Variants in RYR2 observed in about 807,000 individuals in gnomAD.
RYR2 encodes cardiac muscle ryanodine receptor-calcium release channel.
RYR2 carries 227 observed loss-of-function variants against 601.1 expected under a neutral mutation model. The ratio of observed to expected loss-of-function variants is 0.38; its 90% CI spans 0.34 to 0.42. The LOEUF is 0.42. Ranked by LOEUF, RYR2 falls within the 10% of genes least tolerant of loss-of-function variation. RYR2 has a pLI of 1.00. For missense variants in RYR2, 4,646 were observed against 6,156.5 expected (o/e 0.75, Z 8.21); for synonymous variants, 2,223 against 2,175.1 (o/e 1.02, Z -0.61).
chr1:237,665,397 CA>C (rs71162408), intron 56 of RYR2, among the ~76,000 whole-genome samples: 3,476 of 95,050 alleles, frequency 0.037, 17 homozygotes, highest in Middle Eastern at 0.082. Flanking sequence ...GACTCTGTCT[CA>C]AAAAAAAAAA....
At chr1:237,089,659 G>A (rs1165323491) in intron 1 of RYR2, among the ~76,000 whole-genome samples, 3 of 152,228 alleles carry the variant, frequency 2.0e-5, no homozygotes, top group Non-Finnish European at 4.4e-5. Flanking sequence ...TAAGAAATAT[G>A]AAAAGGTAAA....
chr1:237,786,790 TC>T (rs1657639781), intron 91 of RYR2, among the ~76,000 whole-genome samples: 1 of 152,208 alleles, frequency 6.6e-6, no homozygotes, highest in East Asian at 1.9e-4. Context: ...GCCACTATTC[TC>T]CCATAGCATT....
chr1:237,778,584 C>A, intron 87 of RYR2, 82 bp from the exon 88 acceptor site: 1 of 655,672 alleles, frequency 1.5e-6, no homozygotes, highest in South Asian at 2.4e-5. Context: ...AGCACTAAGT[C>A]AACTTTTCCC....
At position 237,832,589 on chromosome 1, in the gene RYR2, G is replaced by A; in HGVS notation, c.14846G>A (p.Trp4949Ter). ...YVWKMYQERCWEFFPAGDCFR... is the reference protein window; with the variant it reads ...YVWKMYQERC ...TGGAAGATGTATCAAGAAAGGTGTT[G>A]GGAATTTTTCCCAGCAGGGGATTGC... Residue 4949 changes from tryptophan to a stop codon, truncating the protein, a stop_gained, in exon 105 of 105, where the codon TGG becomes TAG. Coordinates refer to ENST00000366574, the MANE Select transcript of RYR2 (RefSeq NM_001035.3). LOFTEE classifies it high-confidence loss of function. 1 of 1,612,860 alleles carries A rather than the reference G, an allele frequency of 6.2e-7. No individual in the cohort carries two copies.
At chr1:237,260,187 G>A (rs55955432) in intron 1 of RYR2, among the ~76,000 whole-genome samples, 21,985 of 152,186 alleles carry the variant, frequency 0.14, 1,837 homozygotes, top group East Asian at 0.18. Context: ...ACATAAAGGA[G>A]TTCTAAAAGG....
intron 100 of RYR2, among the ~76,000 whole-genome samples, chr1:237,818,809 G>A (rs536587989): frequency 1.3e-5 from 2 of 151,500 alleles, no homozygotes; most frequent in Non-Finnish European, 2.9e-5. Context: ...GAGAGAGAAA[G>A]TGCTAGGCGG....
intron 78 of RYR2, among the ~76,000 whole-genome samples, chr1:237,732,497 C>T (rs1046492893): frequency 2.0e-5 from 3 of 152,072 alleles, no homozygotes; most frequent in Admixed American, 2.0e-4. Context: ...GTATGGAGAC[C>T]GATGGTGGCC....
chr1:237,356,388 G>C (rs907603338), intron 4 of RYR2, among the ~76,000 whole-genome samples: 1 of 149,602 alleles, frequency 6.7e-6, no homozygotes, highest in African/African-American at 2.4e-5. Context: ...ATGTACTGTA[G>C]AAGAAGACAA....
intron 2 of RYR2, among the ~76,000 whole-genome samples, chr1:237,306,153 G>C (rs1693841643): frequency 6.6e-6 from 1 of 152,156 alleles, no homozygotes; most frequent in Non-Finnish European, 1.5e-5. Flanking sequence ...ACTAGGACTA[G>C]ATTATTAAAT....
intron 48 of RYR2, among the ~76,000 whole-genome samples, chr1:237,645,337 C>T (rs917506647): frequency 1.2e-4 from 18 of 152,176 alleles, no homozygotes; most frequent in African/African-American, 4.1e-4. Flanking sequence ...CCTTTGGCTT[C>T]CCCATTTGAG....
At chr1:237,397,012 C>T (rs1433552488) in intron 10 of RYR2, among the ~76,000 whole-genome samples, 2 of 152,090 alleles carry the variant, frequency 1.3e-5, no homozygotes, top group Non-Finnish European at 2.9e-5. Flanking sequence ...CACCTGTAAT[C>T]CCATCACTTT....
intron 1 of RYR2, among the ~76,000 whole-genome samples, chr1:237,088,551 C>G (rs1447922039): frequency 6.6e-6 from 1 of 152,098 alleles, no homozygotes; most frequent in Middle Eastern, 3.2e-3. Context: ...AAACAAAAGC[C>G]AGGGGCATTG....
intron 84 of RYR2, among the ~76,000 whole-genome samples, chr1:237,765,963 C>T (rs968227382): frequency 3.2e-4 from 48 of 151,972 alleles, no homozygotes; most frequent in African/African-American, 1.1e-3. Context: ...AAGTACTTAG[C>T]GGCTGGGATG....
intron 1 of RYR2, among the ~76,000 whole-genome samples, chr1:237,255,486 T>G (rs1168527487): frequency 6.6e-6 from 1 of 152,176 alleles, no homozygotes; most frequent in African/African-American, 2.4e-5. Context: ...CTTACTTAGT[T>G]TAGGGGATTT....
rs149514924 is a variant in RYR2, at chr1:237,548,562, G to T, written c.3038G>T (p.Arg1013Leu). 1.2e-6 allele frequency: 2 copies of T among 1,613,962 alleles called. No homozygotes were observed. The highest frequency in any genetic ancestry group is 1.7e-6 in the Non-Finnish European group (2 of 1,179,866). The change falls in exon 26 of 105, where the codon CGG (arginine) becomes CTG (leucine). Residue 1013 changes from arginine (R) to leucine (L), a missense_variant. By Grantham distance (102) the Arg-to-Leu change is moderately radical (BLOSUM62 -2). This residue lies in a region of RYR2 where 1,807 missense variants were observed against 2,088.1 expected (regional missense o/e 0.87). Transcript: ENST00000366574. ...AATGTGTGGGCGCGGGATCGAATCC[G>T]GCAGGGCTGGACTTATGGCATCCAA... ...AHNVWARDRI[R>L]QGWTYGIQQD...
intron 12 of RYR2, among the ~76,000 whole-genome samples, chr1:237,424,453 A>AT (rs1212627217): frequency 6.6e-6 from 1 of 152,160 alleles, no homozygotes; most frequent in Non-Finnish European, 1.5e-5. Flanking sequence ...CGCCTTTCCC[A>AT]TATTTTGTAT....
chr1:237,639,224 C>A, intron 46 of RYR2, 23 bp downstream of exon 46: 2 of 1,581,226 alleles, frequency 1.3e-6, no homozygotes, highest in Non-Finnish European at 1.7e-6. Context: ...TACACACCCT[C>A]ACGAGTGATC....
chr1:237,152,941 G>C (rs1160833554), intron 1 of RYR2, among the ~76,000 whole-genome samples: 1 of 152,060 alleles, frequency 6.6e-6, no homozygotes, highest in East Asian at 1.9e-4. Flanking sequence ...AATTTACAAG[G>C]GACTTGAATA....
At chr1:237,802,053 G>A in intron 98 of RYR2, 137 bp downstream of exon 98, 1 of 485,176 alleles carries the variant, frequency 2.1e-6, no homozygotes, top group Non-Finnish European at 3.8e-6. Flanking sequence ...TCTGGAGAGA[G>A]ACCCACAGAA....
Sources: allele counts gnomAD v4.1 joint callset (sites outside exome capture counted in the v4.1 genomes callset), GRCh38; gene constraint gnomAD v4.1.1; regional missense constraint gnomAD v4.1.1; transcripts MANE v1.5; gene names NCBI Gene and HGNC (gene_info 2026-07-23, HGNC 2026-07-21).